AGBL1: variants seen among roughly 807,000 people sequenced by gnomAD.
AGBL1 encodes the protein AGBL carboxypeptidase 1, also known as cytosolic carboxypeptidase 4.
AGBL1 carries 130 observed loss-of-function variants against 118.9 expected under a neutral mutation model. That is an observed-to-expected ratio of 1.09 (90% CI 0.95 to 1.26). AGBL1 has a LOEUF of 1.26. AGBL1 is among the 50% of genes most tolerant of loss of function. The pLI is 0.00. For missense variants in AGBL1, 1,584 were observed against 1,298.1 expected (o/e 1.22, Z -3.38); for synonymous variants, 555 against 478.9 (o/e 1.16, Z -2.08).
intron 22 of AGBL1, among the ~76,000 whole-genome samples, chr15:86,728,668 A>G (rs947772675): frequency 2.0e-5 from 3 of 152,206 alleles, no homozygotes; most frequent in African/African-American, 7.2e-5. Flanking sequence ...CTACATTAAG[A>G]CATTATTTGT....
chr15:86,178,131 ATGT>A (rs2077506012), intron 5 of AGBL1, among the ~76,000 whole-genome samples: 1 of 152,064 alleles, frequency 6.6e-6, no homozygotes. Context: ...GGCCAACGTG[ATGT>A]AACCCTGTCT....
chr15:86,262,092 T>TTTTTTTTTTTTTTTTTC (rs2078999397), intron 9 of AGBL1, among the ~76,000 whole-genome samples: 1 of 144,492 alleles, frequency 6.9e-6, no homozygotes, highest in African/African-American at 2.5e-5. Flanking sequence ...TTTTTTTTTT[T>TTTTTTTTTTTTTTTTTC]TTGCCATTTA....
At chr15:86,917,822 T>C (rs1235499697), downstream of AGBL1, among the ~76,000 whole-genome samples, 2 of 151,796 alleles carry the variant, frequency 1.3e-5, no homozygotes, top group African/African-American at 4.8e-5. The surrounding 1 kb of genome is among the most constrained non-coding windows in gnomAD (Gnocchi z 4.8). Context: ...CCAGCATGGC[T>C]CAAGGCAGGG....
intron 5 of AGBL1, among the ~76,000 whole-genome samples, chr15:86,213,908 A>G (rs1272175210): frequency 6.6e-6 from 1 of 152,146 alleles, no homozygotes; most frequent in Admixed American, 6.6e-5. Context: ...TCATTAAGCA[A>G]TAACTTCCCA....
At chr15:86,849,355 G>A (rs75680260) in intron 22 of AGBL1, among the ~76,000 whole-genome samples, 8 of 152,236 alleles carry the variant, frequency 5.3e-5, no homozygotes, top group East Asian at 3.9e-4. Context: ...GATCACATTC[G>A]GCATAGTAAG....
intron 24 of AGBL1, among the ~76,000 whole-genome samples, chr15:87,006,967 A>C (rs767767790): frequency 6.6e-6 from 1 of 152,194 alleles, no homozygotes; most frequent in Non-Finnish European, 1.5e-5. Context: ...GCTATCCCCA[A>C]AACATAGCAG....
chr15:86,651,664 C>T (rs536210216), intron 21 of AGBL1, among the ~76,000 whole-genome samples: 1 of 152,160 alleles, frequency 6.6e-6, no homozygotes, highest in African/African-American at 2.4e-5. Context: ...CCTCTTTCTT[C>T]TCATTTTCTT....
intron 18 of AGBL1, among the ~76,000 whole-genome samples, chr15:86,468,235 C>T (rs1392292023): frequency 6.6e-6 from 1 of 152,116 alleles, no homozygotes; most frequent in African/African-American, 2.4e-5. Context: ...CATTCAAGTC[C>T]TTAGATACCT....
At chr15:86,630,152 C>T (rs1335199229) in intron 21 of AGBL1, 2 of 152,278 alleles carry the variant, frequency 1.3e-5, no homozygotes, top group Non-Finnish European at 2.9e-5. Context: ...GTGGCCATGT[C>T]TGTCCAACTT....
chr15:86,113,251 TCTTTTCTTTCTTTCTTTC>T (rs1897530774), intron 1 of AGBL1, among the ~76,000 whole-genome samples: 1 of 76,504 alleles, frequency 1.3e-5, no homozygotes, highest in Non-Finnish European at 2.5e-5. Context: ...TCTTTTCTTT[TCTTTTCTTTCTTTCTTTC>T]TTTCTTTTTC....
chr15:86,391,914 G>A (rs2141981733), intron 17 of AGBL1, among the ~76,000 whole-genome samples: 1 of 151,538 alleles, frequency 6.6e-6, no homozygotes, highest in South Asian at 2.1e-4. Context: ...TCTTTACTTG[G>A]CAAACAATTA....
rs59968237 is a variant in AGBL1, at chr15:86,298,246, A to AATATATATATATATATATATAT, written c.2374+2851_2374+2872dup. On this transcript the variant is annotated intron_variant, in intron 17 of 22. Coordinates refer to ENST00000614907, the MANE Select transcript of AGBL1 (RefSeq NM_001386094.1). ...GTATACAGGGTACGTGTCTGTGTAT[A>AATATATATATATATATATATAT]ATATATATATATATATATATATATA... Among the ~76,000 whole-genome samples, 221 of 69,672 alleles carry AATATATATATATATATATATAT rather than the reference A, an allele frequency of 3.2e-3. 2 individuals are homozygous for AATATATATATATATATATATAT. The highest frequency in any genetic ancestry group is 4.6e-3 in the Non-Finnish European group (171 of 36,852). 45.7% of individuals were successfully genotyped at this position (69,672 alleles called of 152,430 possible).
intron 18 of AGBL1, among the ~76,000 whole-genome samples, chr15:86,517,166 A>G (rs980128529): frequency 6.6e-6 from 1 of 152,228 alleles, no homozygotes; most frequent in Non-Finnish European, 1.5e-5. Context: ...GAGATGCTAA[A>G]AGTCCTAAAT....
chr15:86,237,717 A>C lies in AGBL1; in HGVS notation c.527-9954A>C, dbSNP rs151092318. ...ATACAAATTTCTAGGCCTATTTCTA[A>C]GACAATTATTCTGAAGGGTCTTCTT... On this transcript the variant is annotated intron_variant, in intron 6 of 22. Coordinates refer to ENST00000614907, the MANE Select transcript of AGBL1 (RefSeq NM_001386094.1). Among the ~76,000 whole-genome samples, 522 of 152,314 alleles carry C rather than the reference A, an allele frequency of 3.4e-3. 4 individuals carry two copies. Among genetic ancestry groups the C allele is most frequent in the African/African-American group, 0.012 (499 of 41,556 alleles).
In AGBL1 at chr15:86,750,790, C is replaced by T. The variant is rs28523788; in HGVS notation, c.3158+76354C>T. 4.6e-3 allele frequency among the ~76,000 whole-genome samples: 697 copies of T among 151,806 alleles called. 5 individuals are homozygous for T. The highest frequency in any genetic ancestry group is 0.016 in the African/African-American group (653 of 41,462). ...TTTTTTCTCGTCCTTTGCCTCTTCC[C>T]GCCTTCCACCCTCTGATAGGCCCCA... On this transcript the variant is annotated intron_variant, in intron 22 of 22. Transcript: ENST00000614907.
Position 86,271,839 on chromosome 15 carries a change from T to C in AGBL1, c.2075+133T>C, listed in dbSNP as rs1482829098. On this transcript the variant is annotated intron_variant, in intron 15 of 22. Transcript: ENST00000614907. ...TAAACTTTTTGTCACTCTGTCCTAA[T>C]GGCCAGTGTCCGGCCCTTCAGAGAT... is the stretch of plus-strand genomic sequence containing the variant. The C allele has an allele frequency of 3.7e-6, 3 of 813,756 alleles. No individual in the cohort carries two copies. The East Asian group carries it at 7.8e-5, about 21-fold the overall frequency. The allele number at this position is 813,756 out of a possible 1,614,324, so 50.4% of individuals were successfully genotyped here. A position where few individuals can be genotyped will look rare whatever the true frequency, so the allele number is the denominator to read the frequency against.
chr15:86,357,695 A>G (rs2080742347), intron 17 of AGBL1, among the ~76,000 whole-genome samples: 1 of 152,116 alleles, frequency 6.6e-6, no homozygotes, highest in South Asian at 2.1e-4. Context: ...CTTTGCTTTA[A>G]CATAGCGTGC....
chr15:86,851,706 G>T (rs1459895734), intron 22 of AGBL1, among the ~76,000 whole-genome samples: 1 of 152,180 alleles, frequency 6.6e-6, no homozygotes, highest in Non-Finnish European at 1.5e-5. Context: ...GCAGTAGCAG[G>T]AAAGAAAGGC....
chr15:86,231,233 C>G lies in AGBL1; in HGVS notation c.526+6282C>G, dbSNP rs74025032. 9.9e-3 allele frequency among the ~76,000 whole-genome samples: 1,515 copies of G among 152,298 alleles called. 26 individuals are homozygous for G. The highest frequency in any genetic ancestry group is 0.035 in the African/African-American group (1,451 of 41,550). Reference sequence around the variant, plus strand: ...TCTACTGGATCCCCCATACCTCATACTGGGCTACACCCAGAGTAGCTGATA... The same window carrying G: ...TCTACTGGATCCCCCATACCTCATAGTGGGCTACACCCAGAGTAGCTGATA... On this transcript the variant is annotated intron_variant, in intron 6 of 22. Transcript: ENST00000614907.
Sources: gnomAD v4.1 joint callset for allele counts (sites outside exome capture counted in the v4.1 genomes callset) on GRCh38, gnomAD v4.1.1 for gene constraint, Gnocchi (gnomAD v3.1) non-coding constraint, MANE v1.5 for transcripts, NCBI Gene and HGNC (gene_info 2026-07-23, HGNC 2026-07-21) for gene names.